TRMT9B: variants seen among roughly 807,000 people sequenced by gnomAD.
TRMT9B encodes the protein tRNA methyltransferase 9B (putative).
Under a neutral mutation model 11.5 loss-of-function variants are expected in TRMT9B, and 16 were observed. The ratio of observed to expected loss-of-function variants is 1.39; its 90% CI spans 0.94 to 2.11. TRMT9B has a LOEUF of 2.11. Among genes scored for constraint, TRMT9B ranks in the 30% most tolerant of loss-of-function variants. The pLI is 0.00. For synonymous variants in TRMT9B, 274 were observed against 192.4 expected (o/e 1.42, Z -3.51); for missense variants, 941 against 553.8 (o/e 1.70, Z -7.02).
In TRMT9B at chr8:12,948,816, C is replaced by T. The variant is rs572247602; in HGVS notation, c.-200+2850C>T. Reference sequence around the variant, plus strand: ...TCTACTAAAAATACAAAAACTTAGCCGGGCATGGTGGCAGGCGCCTGTAGT... The same window carrying T: ...TCTACTAAAAATACAAAAACTTAGCTGGGCATGGTGGCAGGCGCCTGTAGT... On this transcript the variant is annotated intron_variant, in intron 1 of 4. Coordinates refer to ENST00000524591, the MANE Select transcript of TRMT9B (RefSeq NM_020844.3). Among the ~76,000 whole-genome samples, 76 of 152,088 alleles carry T rather than the reference C, an allele frequency of 5.0e-4. 1 individual carries two copies. The highest frequency in any genetic ancestry group is 4.5e-3 in the Admixed American group (68 of 15,256).
At chr8:13,015,142 T>C (rs559757807) in intron 4 of TRMT9B, among the ~76,000 whole-genome samples, 47 of 152,080 alleles carry the variant, frequency 3.1e-4, no homozygotes, top group African/African-American at 1.1e-3. Context: ...TGGTCTTCTT[T>C]TGTCTACACT....
At chr8:12,991,996 AG>A (rs1470512809) in intron 2 of TRMT9B, among the ~76,000 whole-genome samples, 4 of 152,164 alleles carry the variant, frequency 2.6e-5, no homozygotes, top group Admixed American at 2.0e-4. Flanking sequence ...AAACTGGAAA[AG>A]CTCAGTCTTG....
chr8:12,955,607 C>T (rs183400791), intron 1 of TRMT9B, among the ~76,000 whole-genome samples: 4 of 152,318 alleles, frequency 2.6e-5, no homozygotes, highest in Non-Finnish European at 5.9e-5. Context: ...ATAGGCACAA[C>T]CTTTGCCACT....
chr8:13,003,039 A>G (rs1310986217), intron 2 of TRMT9B, among the ~76,000 whole-genome samples: 2 of 152,020 alleles, frequency 1.3e-5, no homozygotes, highest in African/African-American at 4.8e-5. Context: ...TTATTTGATC[A>G]TTTGCTGGGG....
chr8:12,960,096 C>G (rs1563313987), intron 1 of TRMT9B: 1 of 152,184 alleles, frequency 6.6e-6, no homozygotes. Context: ...TCCACTGGAG[C>G]TTTACAGTCC....
rs140867873 is a variant in TRMT9B at position 12,950,537 on chromosome 8, T to TTTTGTTTC, written c.-200+4574_-200+4575insGTTTCTTT. ...AATACGTAAAACCAGACTCGTGGTT[T>TTTTGTTTC]TTTCTTTCTTTCTTTCTTTCTTTCT... On this transcript the variant is annotated intron_variant, in intron 1 of 4. Coordinates refer to ENST00000524591, the MANE Select transcript of TRMT9B (RefSeq NM_020844.3). Among the ~76,000 whole-genome samples, 4 of 149,358 alleles carry TTTTGTTTC rather than the reference T, an allele frequency of 2.7e-5. No homozygotes were observed. In the East Asian group the frequency reaches 7.7e-4, roughly 29 times the overall value.
chr8:13,023,365 T>C lies in TRMT9B; in HGVS notation c.*1321T>C, dbSNP rs1287483296. ...GGATTTGCTGTATCCTTTAAAATAG[T>C]ATCTGGGCATTTATTTTATTGAAGG... On this transcript the variant is annotated 3_prime_UTR_variant, in exon 5 of 5. Coordinates refer to ENST00000524591, the MANE Select transcript of TRMT9B (RefSeq NM_020844.3). 6.0e-6 allele frequency: 1 copy of C among 167,110 alleles called. No homozygotes were observed. Among genetic ancestry groups the C allele is most frequent in the Non-Finnish European group, 1.5e-5 (1 of 68,126 alleles). 10.4% of individuals were successfully genotyped at this position (167,110 alleles called of 1,614,324 possible). A position where few individuals can be genotyped will look rare whatever the true frequency, so the allele number is the denominator to read the frequency against.
Position 13,025,861 on chromosome 8 carries a change from A to T in TRMT9B, c.*3817A>T, listed in dbSNP as rs926494909. On this transcript the variant is annotated 3_prime_UTR_variant, in exon 5 of 5. Coordinates refer to ENST00000524591, the MANE Select transcript of TRMT9B (RefSeq NM_020844.3). ...TCCTTCCAAATTCTACATGCCAGTA[A>T]TTCCTCTGTCTTTTAAGTGACCATC... is the stretch of plus-strand genomic sequence containing the variant. The T allele has an allele frequency of 3.0e-5, 5 of 166,930 alleles. No individual in the cohort carries two copies. The highest frequency in any genetic ancestry group is 1.2e-4 in the African/African-American group (5 of 41,574). The allele number at this position is 166,930 out of a possible 1,614,324, so 10.3% of individuals were successfully genotyped here. A position where few individuals can be genotyped will look rare whatever the true frequency, so the allele number is the denominator to read the frequency against.
intron 2 of TRMT9B, among the ~76,000 whole-genome samples, chr8:12,994,764 C>T (rs1298164508): frequency 6.6e-6 from 1 of 152,202 alleles, no homozygotes; most frequent in Non-Finnish European, 1.5e-5. Context: ...TCACTGCAAC[C>T]TCCGCCTTTC....
chr8:12,956,737 T>G (rs1156428428), intron 1 of TRMT9B, among the ~76,000 whole-genome samples: 1 of 152,238 alleles, frequency 6.6e-6, no homozygotes, highest in African/African-American at 2.4e-5. Context: ...CATGCTCATT[T>G]TAAGGATTAC....
At chr8:12,995,524 T>C (rs1175603865) in intron 2 of TRMT9B, among the ~76,000 whole-genome samples, 1 of 152,218 alleles carries the variant, frequency 6.6e-6, no homozygotes, top group Non-Finnish European at 1.5e-5. Context: ...TGATAATCAC[T>C]CAATACATAT....
chr8:12,970,124 C>A (rs1803388788), intron 1 of TRMT9B: 1 of 152,184 alleles, frequency 6.6e-6, no homozygotes, highest in African/African-American at 2.4e-5. Flanking sequence ...CTGGTGATAA[C>A]ACCAATACCA....
intron 2 of TRMT9B, among the ~76,000 whole-genome samples, chr8:13,005,483 C>G (rs1810290210): frequency 6.6e-6 from 1 of 152,132 alleles, no homozygotes; most frequent in Non-Finnish European, 1.5e-5. Context: ...ATGAACACCC[C>G]ATTCTCCCTC....
chr8:13,013,994 C>G (rs1446887293), intron 4 of TRMT9B, among the ~76,000 whole-genome samples: 4 of 152,150 alleles, frequency 2.6e-5, no homozygotes, highest in African/African-American at 4.8e-5. Context: ...AAGTTTTATC[C>G]AAGAAAGATG....
chr8:12,950,875 A>G (rs768256063), intron 1 of TRMT9B, among the ~76,000 whole-genome samples: 1 of 152,180 alleles, frequency 6.6e-6, no homozygotes, highest in Non-Finnish European at 1.5e-5. Flanking sequence ...ACAGCTCGAC[A>G]TGAACTCTGC....
At chr8:13,003,075 A>T (rs146450165) in intron 2 of TRMT9B, among the ~76,000 whole-genome samples, 1 of 152,170 alleles carries the variant, frequency 6.6e-6, no homozygotes, top group African/African-American at 2.4e-5. Context: ...AGTGCTGGGG[A>T]CTCAGTATTA....
In TRMT9B at chr8:13,001,602, C is replaced by G. The variant is rs143932779; in HGVS notation, c.-1-4600C>G. 1.9e-3 allele frequency among the ~76,000 whole-genome samples: 291 copies of G among 152,248 alleles called. 1 individual carries two copies. The highest frequency in any genetic ancestry group is 5.6e-3 in the African/African-American group (233 of 41,540). ...TAAATTAACATTTCCACAGTGTCTT[C>G]TACAGAATATTATTTCCTAAAAAGA... is the stretch of plus-strand genomic sequence containing the variant. On this transcript the variant is annotated intron_variant, in intron 2 of 4. Transcript: ENST00000524591.
chr8:13,003,538 G>A (rs75701360), intron 2 of TRMT9B, among the ~76,000 whole-genome samples: 1,567 of 152,178 alleles, frequency 0.01, 21 homozygotes, highest in African/African-American at 0.035. Context: ...ATGTGCCACC[G>A]CTGAGAAACA....
intron 1 of TRMT9B, among the ~76,000 whole-genome samples, chr8:12,963,768 A>T (rs1802453604): frequency 6.6e-6 from 1 of 152,212 alleles, no homozygotes; most frequent in Admixed American, 6.5e-5. Context: ...AAAAATGTAT[A>T]CAAGTTTTTT....
Sources: gnomAD v4.1 joint callset for allele counts (sites outside exome capture counted in the v4.1 genomes callset) on GRCh38, gnomAD v4.1.1 for gene constraint, MANE v1.5 for transcripts, NCBI Gene and HGNC (gene_info 2026-07-23, HGNC 2026-07-21) for gene names.